Variants in MFHAS1 observed in about 807,000 individuals in gnomAD.
The protein encoded by MFHAS1 is malignant fibrous histiocytoma-amplified sequence 1.
In MFHAS1, 50 loss-of-function variants were observed where a neutral mutation model predicts 70.4. That is an observed-to-expected ratio of 0.71 (90% CI 0.57 to 0.90). The LOEUF (loss-of-function observed/expected upper bound fraction) is 0.90, where lower values mean the gene tolerates loss of function less well. Among genes scored for constraint, MFHAS1 ranks in the 40% least tolerant of loss-of-function variants. The probability of loss-of-function intolerance (pLI) is 0.00; values close to 1 mark genes in which losing one functional copy is unlikely to be tolerated. For synonymous variants in MFHAS1, 952 were observed against 620.0 expected, an observed-to-expected ratio of 1.54 and a Z score of -7.96; for missense variants, 1,795 against 1,347.6, an observed-to-expected ratio of 1.33 and a Z score of -5.20.
chr8:8,805,114 C>A (rs1806242616), intron 1 of MFHAS1, among the ~76,000 whole-genome samples: 1 of 152,102 alleles, frequency 6.6e-6, no homozygotes, highest in South Asian at 2.1e-4. Context: ...TCACAACGGC[C>A]CTTCCAATGC....
intron 1 of MFHAS1, among the ~76,000 whole-genome samples, chr8:8,857,907 T>G (rs929128807): frequency 6.6e-6 from 1 of 152,248 alleles, no homozygotes; most frequent in African/African-American, 2.4e-5. Context: ...TGCCCACTTG[T>G]TGATACATTT....
At chr8:8,882,465 A>G (rs988190627) in intron 1 of MFHAS1, among the ~76,000 whole-genome samples, 12 of 152,116 alleles carry the variant, frequency 7.9e-5, no homozygotes, top group Admixed American at 1.3e-4. Context: ...ATTAAGAAAT[A>G]GCCGTGCGTG....
At chr8:8,866,095 G>A (rs987986298) in intron 1 of MFHAS1, among the ~76,000 whole-genome samples, 1 of 152,194 alleles carries the variant, frequency 6.6e-6, no homozygotes, top group African/African-American at 2.4e-5. Context: ...CCTAGCTGAA[G>A]TGCTTTTATT....
At chr8:8,797,337 C>G (rs376954265) in intron 2 of MFHAS1, 28 bp downstream of exon 2, 56 of 1,610,464 alleles carry the variant, frequency 3.5e-5, no homozygotes, top group Non-Finnish European at 1.7e-5. Context: ...AGCCAGGTCC[C>G]GGGGCCAGAG....
At chr8:8,817,045 T>A (rs1473355051) in intron 1 of MFHAS1, among the ~76,000 whole-genome samples, 1 of 152,114 alleles carries the variant, frequency 6.6e-6, no homozygotes, top group Non-Finnish European at 1.5e-5. Context: ...CCTCGAAATG[T>A]CAAAGAGACA....
At position 8,891,802 on chromosome 8, in the gene MFHAS1, A is replaced by C; in HGVS notation, c.1257T>G (p.Ala419=). 6.2e-7 allele frequency: 1 copy of C among 1,613,370 alleles called. No homozygotes were observed. Among genetic ancestry groups the C allele is most frequent in the Non-Finnish European group, 8.5e-7 (1 of 1,180,004 alleles). ...RLKLLLMGHK[A]AGKTLLRHCL... Reference sequence around the variant, plus strand: ...AGTGGCGCAGCAAAGTCTTTCCTGCAGCCTTATGCCCCATCAGGAGCAGCT... The same window carrying C: ...AGTGGCGCAGCAAAGTCTTTCCTGCCGCCTTATGCCCCATCAGGAGCAGCT... Residue 419 remains alanine (A), a synonymous_variant, in exon 1 of 3, where the codon GCT becomes GCG. Coordinates refer to ENST00000276282, the MANE Select transcript of MFHAS1 (RefSeq NM_004225.3). The surrounding 1 kb of genome is among the most constrained non-coding windows in gnomAD (Gnocchi z 5.4).
chr8:8,864,686 C>G (rs763304926), intron 1 of MFHAS1, among the ~76,000 whole-genome samples: 21 of 152,174 alleles, frequency 1.4e-4, no homozygotes, highest in Admixed American at 3.3e-4. Context: ...TGAAATGTAT[C>G]ATGTAAACTG....
intron 1 of MFHAS1, among the ~76,000 whole-genome samples, chr8:8,818,115 G>C (rs1381146764): frequency 6.6e-6 from 1 of 152,126 alleles, no homozygotes; most frequent in African/African-American, 2.4e-5. Context: ...AAGTTAGGTG[G>C]GCTTTGTGGG....
intron 1 of MFHAS1, among the ~76,000 whole-genome samples, chr8:8,863,368 CT>C (rs2116893485): frequency 6.6e-6 from 1 of 152,286 alleles, no homozygotes; most frequent in East Asian, 1.9e-4. Context: ...CCCTCCATTC[CT>C]TTTTCCTGTG....
chr8:8,795,750 G>C (rs946942864), intron 2 of MFHAS1, among the ~76,000 whole-genome samples: 8 of 152,364 alleles, frequency 5.3e-5, no homozygotes, highest in African/African-American at 1.4e-4. Flanking sequence ...TGAGGGGTGA[G>C]ATGGATGCCT....
intron 1 of MFHAS1, among the ~76,000 whole-genome samples, chr8:8,862,652 C>T (rs980242741): frequency 1.3e-5 from 2 of 152,266 alleles, no homozygotes; most frequent in Admixed American, 6.5e-5. Flanking sequence ...ACGGTGGATA[C>T]ATCTAATTAC....
intron 1 of MFHAS1, among the ~76,000 whole-genome samples, chr8:8,862,204 T>C (rs1274962712): frequency 6.6e-6 from 1 of 152,180 alleles, no homozygotes; most frequent in Admixed American, 6.5e-5. Flanking sequence ...GTATGGTCAG[T>C]CTTTTTCATC....
At chr8:8,846,330 T>TAGGAGGGGGAGGAGGGGG (rs1442644999) in intron 1 of MFHAS1, among the ~76,000 whole-genome samples, 1 of 34,572 alleles carries the variant, frequency 2.9e-5, no homozygotes, top group East Asian at 8.0e-4. Context: ...GAAGGAGGAG[T>TAGGAGGGGGAGGAGGGGG]AGGAGGGGGA....
chr8:8,856,319 G>C (rs936318106), intron 1 of MFHAS1, among the ~76,000 whole-genome samples: 1 of 152,202 alleles, frequency 6.6e-6, no homozygotes, highest in Non-Finnish European at 1.5e-5. Context: ...CATGGCACTG[G>C]GGCAAGCATG....
rs36026181 is a variant in MFHAS1, at chr8:8,785,737, CT to C, written c.*284del. On this transcript the variant is annotated 3_prime_UTR_variant, in exon 3 of 3. Transcript: ENST00000276282. ...ACAAAATCCCTGAGAAGCCATTCGA[CT>C]TTTTTTTTTTTTTTTTCTTTTCTTC... 0.51 allele frequency: 116,912 copies of C among 229,596 alleles called. 23,514 individuals carry two copies. The highest frequency in any genetic ancestry group is 0.61 in the Admixed American group (11,129 of 18,354). 14.2% of individuals were successfully genotyped at this position (229,596 alleles called of 1,614,324 possible).
At chr8:8,838,119 T>C (rs1807669959) in intron 1 of MFHAS1, among the ~76,000 whole-genome samples, 1 of 152,052 alleles carries the variant, frequency 6.6e-6, no homozygotes, top group African/African-American at 2.4e-5. Context: ...ACCTCAAGAG[T>C]GAGTGTCAAA....
intron 1 of MFHAS1, among the ~76,000 whole-genome samples, chr8:8,812,635 C>T (rs777239692): frequency 3.9e-4 from 59 of 152,096 alleles, no homozygotes; most frequent in Non-Finnish European, 7.6e-4. Context: ...AATATGGTTC[C>T]TGTGACACTG....
At chr8:8,850,308 A>T (rs575180222) in intron 1 of MFHAS1, among the ~76,000 whole-genome samples, 1 of 152,346 alleles carries the variant, frequency 6.6e-6, no homozygotes, top group Non-Finnish European at 1.5e-5. Context: ...GTGACAATAC[A>T]CACTAATAAT....
At chr8:8,871,553 A>T (rs985642488) in intron 1 of MFHAS1, among the ~76,000 whole-genome samples, 4 of 152,202 alleles carry the variant, frequency 2.6e-5, no homozygotes, top group Non-Finnish European at 5.9e-5. Flanking sequence ...AAACACGCAA[A>T]CAAAGAAAAA....
Sources: gnomAD v4.1 joint callset for allele counts (sites outside exome capture counted in the v4.1 genomes callset) on GRCh38, gnomAD v4.1.1 for gene constraint, Gnocchi (gnomAD v3.1) non-coding constraint, MANE v1.5 for transcripts, NCBI Gene and HGNC (gene_info 2026-07-23, HGNC 2026-07-21) for gene names.